Variants in ADGRL3 observed in about 807,000 individuals in gnomAD.
ADGRL3 encodes the protein adhesion G protein-coupled receptor L3.
ADGRL3 carries 62 observed loss-of-function variants against 153.5 expected under a neutral mutation model. That is an observed-to-expected ratio of 0.40 (90% CI 0.33 to 0.50). The LOEUF (loss-of-function observed/expected upper bound fraction) is 0.50, where lower values mean the gene tolerates loss of function less well. Ranked by LOEUF, ADGRL3 falls within the 20% of genes least tolerant of loss-of-function variation. The pLI is 0.47. For synonymous variants in ADGRL3, 710 were observed against 672.5 expected, an observed-to-expected ratio of 1.06 and a Z score of -0.86; for missense variants, 1,641 against 1,859.4, an observed-to-expected ratio of 0.88 and a Z score of 2.16.
At chr4:61,282,406 G>A (rs946609180) in intron 1 of ADGRL3, among the ~76,000 whole-genome samples, 2 of 151,824 alleles carry the variant, frequency 1.3e-5, no homozygotes, top group South Asian at 2.1e-4. Context: ...TTTAAAATCC[G>A]CATTTGGTTA....
chr4:62,063,941 A>G (rs546046787), intron 25 of ADGRL3, among the ~76,000 whole-genome samples: 2 of 152,184 alleles, frequency 1.3e-5, no homozygotes, highest in East Asian at 1.9e-4. Flanking sequence ...TTAAATATCT[A>G]TGTATTTATT....
intron 1 of ADGRL3, among the ~76,000 whole-genome samples, chr4:61,267,214 G>A (rs536746114): frequency 4.6e-4 from 70 of 151,740 alleles, no homozygotes; most frequent in African/African-American, 1.5e-3. Flanking sequence ...CGAATGTAAT[G>A]AATTGCCAGA....
chr4:61,252,172 C>T (rs1268022513), intron 1 of ADGRL3, among the ~76,000 whole-genome samples: 3 of 152,054 alleles, frequency 2.0e-5, no homozygotes, highest in Non-Finnish European at 4.4e-5. Flanking sequence ...CATGAGCCAC[C>T]GCGCCCAGCC....
At chr4:61,320,993 G>A (rs2095343457) in intron 1 of ADGRL3, among the ~76,000 whole-genome samples, 2 of 152,006 alleles carry the variant, frequency 1.3e-5, no homozygotes, top group South Asian at 2.1e-4. Context: ...TATTTTCAAA[G>A]CCAGGTCTGT....
In ADGRL3 at chr4:61,939,955, GT is replaced by G. The variant is rs1368899098; in HGVS notation, c.2419+3914del. Among the ~76,000 whole-genome samples, 3 of 150,120 alleles carry G rather than the reference GT, an allele frequency of 2.0e-5. No individual in the cohort carries two copies. In the East Asian group the frequency reaches 5.9e-4, roughly 29 times the overall value. ...TTTTAATTTTTTTATTATACTCTAA[GT>G]TTTAGGGTACATGTGCACATTGTGC... On this transcript the variant is annotated intron_variant, in intron 15 of 26. Coordinates refer to ENST00000683033, the MANE Select transcript of ADGRL3 (RefSeq NM_001387552.1).
Position 61,290,296 on chromosome 4 carries a change from CAT to C in ADGRL3, c.-240+88536_-240+88537del, listed in dbSNP as rs538133203. Among the ~76,000 whole-genome samples the C allele has an allele frequency of 4.0e-4, 61 of 152,120 alleles. No homozygotes were observed. In the South Asian group the frequency reaches 7.3e-3, roughly 18 times the overall value. On this transcript the variant is annotated intron_variant, in intron 1 of 26. Coordinates refer to ENST00000683033, the MANE Select transcript of ADGRL3 (RefSeq NM_001387552.1). ...TTGATGACCTATTGGACTTGGCATTCATATATTATCAGAACATATGGTTAGGT... is the reference window on the plus strand; with the variant it reads ...TTGATGACCTATTGGACTTGGCATTCATATTATCAGAACATATGGTTAGGT...
At chr4:61,387,488 A>G (rs1405382065) in intron 2 of ADGRL3, among the ~76,000 whole-genome samples, 1 of 152,110 alleles carries the variant, frequency 6.6e-6, no homozygotes, top group Non-Finnish European at 1.5e-5. Context: ...AGCCTCGACC[A>G]TAAGAGACGA....
intron 1 of ADGRL3, among the ~76,000 whole-genome samples, chr4:61,353,451 C>T (rs1220574766): frequency 6.6e-6 from 1 of 151,946 alleles, no homozygotes; most frequent in Non-Finnish European, 1.5e-5. Context: ...TTATTCAGAG[C>T]TTTGTACAGA....
intron 4 of ADGRL3, among the ~76,000 whole-genome samples, chr4:61,555,622 C>T (rs186369024): frequency 5.1e-4 from 78 of 152,118 alleles, no homozygotes; most frequent in African/African-American, 1.8e-3. Context: ...ATCCAGACCC[C>T]GAGAGGGATC....
chr4:61,289,874 T>C (rs983424212), intron 1 of ADGRL3, among the ~76,000 whole-genome samples: 1 of 152,118 alleles, frequency 6.6e-6, no homozygotes, highest in Non-Finnish European at 1.5e-5. Context: ...AGGTTACTCT[T>C]CTATACAATG....
chr4:61,817,506 G>A (rs2097701989), intron 9 of ADGRL3, among the ~76,000 whole-genome samples: 1 of 152,078 alleles, frequency 6.6e-6, no homozygotes, highest in African/African-American at 2.4e-5. Flanking sequence ...CCTCTCCACT[G>A]AGAGCTGAAC....
intron 9 of ADGRL3, among the ~76,000 whole-genome samples, chr4:61,845,085 G>T (rs1211182930): frequency 1.3e-5 from 2 of 152,090 alleles, no homozygotes; most frequent in East Asian, 3.9e-4. Flanking sequence ...ATGTGGCTAG[G>T]TGTAGTCATC....
At chr4:61,494,082 GT>G (rs200811187) in intron 2 of ADGRL3, among the ~76,000 whole-genome samples, 21,324 of 130,038 alleles carry the variant, frequency 0.16, 1,598 homozygotes, top group African/African-American at 0.19. Flanking sequence ...ACTGTGTCCT[GT>G]TTTTTTTTTT....
intron 8 of ADGRL3, among the ~76,000 whole-genome samples, chr4:61,811,839 A>AGG (rs1343610904): frequency 6.6e-6 from 1 of 152,176 alleles, no homozygotes; most frequent in East Asian, 1.9e-4. Context: ...AAAGGAGATT[A>AGG]GGTATGTATG....
At chr4:62,040,304 CT>C (rs1727519077) in intron 24 of ADGRL3, among the ~76,000 whole-genome samples, 1 of 151,892 alleles carries the variant, frequency 6.6e-6, no homozygotes. Context: ...TCTCCTTACT[CT>C]TGTAATTTGT....
chr4:61,744,148 C>G (rs1048605108), intron 8 of ADGRL3, among the ~76,000 whole-genome samples: 1 of 152,106 alleles, frequency 6.6e-6, no homozygotes, highest in Non-Finnish European at 1.5e-5. Context: ...AAGGCAGCAG[C>G]GAGGCTGGGG....
intron 1 of ADGRL3, among the ~76,000 whole-genome samples, chr4:61,373,409 A>C (rs2096564523): frequency 6.6e-6 from 1 of 152,236 alleles, no homozygotes; most frequent in Non-Finnish European, 1.5e-5. Flanking sequence ...ATAGGTATAC[A>C]TAAAATTATG....
At chr4:61,574,639 C>G (rs2098858095) in intron 4 of ADGRL3, among the ~76,000 whole-genome samples, 1 of 151,716 alleles carries the variant, frequency 6.6e-6, no homozygotes, top group African/African-American at 2.4e-5. Context: ...TAAAGTTAAA[C>G]TCAACGAATC....
chr4:61,755,754 T>C (rs1441494623), intron 8 of ADGRL3, among the ~76,000 whole-genome samples: 1 of 152,188 alleles, frequency 6.6e-6, no homozygotes, highest in Non-Finnish European at 1.5e-5. Flanking sequence ...TGGTTTCAGG[T>C]CTAACATTTA....
Sources: gnomAD v4.1 joint callset for allele counts (sites outside exome capture counted in the v4.1 genomes callset) on GRCh38, gnomAD v4.1.1 for gene constraint, MANE v1.5 for transcripts, NCBI Gene and HGNC (gene_info 2026-07-23, HGNC 2026-07-21) for gene names.